Variants in RUVBL1 observed in about 807,000 individuals in gnomAD.
RUVBL1 encodes ruvB-like 1.
Under a neutral mutation model 52.4 loss-of-function variants are expected in RUVBL1, and 4 were observed. That is an observed-to-expected ratio of 0.08 (90% CI 0.04 to 0.17). The LOEUF (loss-of-function observed/expected upper bound fraction) is 0.17. RUVBL1 is among the 10% of genes least tolerant of loss of function. The pLI is 1.00. For synonymous variants in RUVBL1, 217 were observed against 214.4 expected, an observed-to-expected ratio of 1.01 and a Z score of -0.10; for missense variants, 298 against 572.8, an observed-to-expected ratio of 0.52 and a Z score of 4.90.
chr3:128,131,533 CAAAA>C (rs71153123), intron 1 of RUVBL1, among the ~76,000 whole-genome samples: 1 of 150,458 alleles, frequency 6.6e-6, no homozygotes, highest in Non-Finnish European at 1.5e-5. Flanking sequence ...ACAACAACAA[CAAAA>C]AAAAACAGAT....
Position 128,067,682 on chromosome 3 carries a change from C to T in RUVBL1, c.940-2462G>A, listed in dbSNP as rs1942024346. On this transcript the variant is annotated intron_variant, in intron 9 of 9. Transcript: ENST00000464873. The surrounding 1 kb of genome is among the most constrained non-coding windows in gnomAD (Gnocchi z 4.1). The stretch of plus-strand genomic sequence containing the variant: ...TGGTATAAGGGGTGTGGACTTGTCA[C>T]CTCATCATAAATAATGGTCTGTGAC... 8.1e-7 allele frequency: 1 copy of T among 1,232,516 alleles called. No individual in the cohort carries two copies. Among genetic ancestry groups the T allele is most frequent in the Admixed American group, 2.1e-5 (1 of 47,602 alleles). The allele number at this position is 1,232,516 out of a possible 1,614,324, so 76.3% of individuals were successfully genotyped here. A position where few individuals can be genotyped will look rare whatever the true frequency, so the allele number is the denominator to read the frequency against.
Position 128,100,700 on chromosome 3 carries a change from T to C in RUVBL1, c.648A>G (p.Glu216=). ...CDTYATEFDL[E]AEEYVPLPKG... ...TTGGCAAGGGGACATACTCTTCAGC[T>C]TCAAGGTCGAATTCTGTGGCATAGG... is the stretch of plus-strand genomic sequence containing the variant. Residue 216 remains glutamate (E), a synonymous_variant, in exon 6 of 11, where the codon GAA becomes GAG. Coordinates refer to ENST00000322623, the MANE Select transcript of RUVBL1 (RefSeq NM_003707.3). 6.2e-7 allele frequency: 1 copy of C among 1,613,952 alleles called. No homozygotes were observed. Among genetic ancestry groups the C allele is most frequent in the Non-Finnish European group, 8.5e-7 (1 of 1,179,978 alleles).
intron 1 of RUVBL1, among the ~76,000 whole-genome samples, chr3:128,120,302 T>C (rs1411098601): frequency 6.6e-6 from 1 of 152,254 alleles, no homozygotes; most frequent in Non-Finnish European, 1.5e-5. Flanking sequence ...ATACTGAATG[T>C]GAAGTTAAAC....
intron 9 of RUVBL1, chr3:128,075,084 T>G (rs1942274720): frequency 6.6e-6 from 1 of 152,126 alleles, no homozygotes; most frequent in Non-Finnish European, 1.5e-5. Context: ...GGGGGTGCAC[T>G]ATTCCTGGAG....
chr3:128,112,803 A>T lies in RUVBL1; in HGVS notation c.361+85T>A, dbSNP rs534304571. ...CAGCAGTGCCACGAATACCAGTCAT[A>T]AAGGCATCTTCACCACAAAGAGGCT... is the stretch of plus-strand genomic sequence containing the variant. On this transcript the variant is annotated intron_variant, in intron 3 of 10. Coordinates refer to ENST00000322623, the MANE Select transcript of RUVBL1 (RefSeq NM_003707.3). 1.5e-5 allele frequency: 22 copies of T among 1,455,168 alleles called. No individual in the cohort carries two copies. In the South Asian group the frequency reaches 2.6e-4, roughly 17 times the overall value. 90.1% of individuals were successfully genotyped at this position (1,455,168 alleles called of 1,614,324 possible).
upstream of RUVBL1, among the ~76,000 whole-genome samples, chr3:128,126,069 T>C (rs1943784907): frequency 6.6e-6 from 1 of 152,250 alleles, no homozygotes; most frequent in South Asian, 2.1e-4. Context: ...CCTGGATTAC[T>C]TGGTCTAGTG....
At chr3:128,142,041 G>A (rs550692590) in intron 1 of RUVBL1, 2 of 152,418 alleles carry the variant, frequency 1.3e-5, no homozygotes, top group South Asian at 2.1e-4. Flanking sequence ...TTGGAGCCTA[G>A]AGACGGGAAA....
intron 4 of RUVBL1, among the ~76,000 whole-genome samples, chr3:128,104,395 T>C (rs894941736): frequency 6.6e-6 from 1 of 152,236 alleles, no homozygotes; most frequent in Non-Finnish European, 1.5e-5. Flanking sequence ...GCTGTTTCTT[T>C]CTATGAGCAT....
At position 128,119,943 on chromosome 3, in the gene RUVBL1, T is replaced by G. The variant is rs562319473; in HGVS notation, c.142-529A>C. On this transcript the variant is annotated intron_variant, in intron 1 of 10. Coordinates refer to ENST00000322623, the MANE Select transcript of RUVBL1 (RefSeq NM_003707.3). Reference sequence around the variant, plus strand: ...ACGCAGAACAGGAACTTACAGTGTGTGGTAAAGTTTGGATTTTATTCTACA... The same window carrying G: ...ACGCAGAACAGGAACTTACAGTGTGGGGTAAAGTTTGGATTTTATTCTACA... Among the ~76,000 whole-genome samples the G allele has an allele frequency of 3.3e-5, 5 of 152,304 alleles. No homozygotes were observed. In the South Asian group the frequency reaches 1.0e-3, roughly 32 times the overall value.
Position 128,067,828 on chromosome 3 carries a change from C to T in RUVBL1, c.940-2608G>A, listed in dbSNP as rs1351068951. 1 of 725,266 alleles carries T rather than the reference C, an allele frequency of 1.4e-6. No individual in the cohort carries two copies. Among genetic ancestry groups the T allele is most frequent in the Admixed American group, 2.3e-5 (1 of 43,004 alleles). 44.9% of individuals were successfully genotyped at this position (725,266 alleles called of 1,614,324 possible). A position where few individuals can be genotyped will look rare whatever the true frequency, so the allele number is the denominator to read the frequency against. ...TCTGAATCCACACTGTAAAGTTAGA[C>T]TTTTTCATATGACTTCCTTGCGGCA... On this transcript the variant is annotated intron_variant, in intron 9 of 9. Coordinates refer to the RUVBL1 transcript ENST00000464873. This position sits in a 1 kb window ranked among gnomAD's most constrained non-coding sequence, Gnocchi z 4.1.
intron 1 of RUVBL1, among the ~76,000 whole-genome samples, chr3:128,132,177 C>T (rs557833030): frequency 3.9e-5 from 6 of 152,178 alleles, no homozygotes; most frequent in Non-Finnish European, 7.3e-5. Context: ...CCAGCACCCA[C>T]GGAGAGAGCA....
rs893432294 is a variant in RUVBL1, at chr3:128,136,008, C to CT, written c.-39-16595dup. Among the ~76,000 whole-genome samples, 46 of 151,790 alleles carry CT rather than the reference C, an allele frequency of 3.0e-4. No individual in the cohort carries two copies. In the South Asian group the frequency reaches 8.9e-3, roughly 29 times the overall value. On this transcript the variant is annotated intron_variant, in intron 1 of 9. Coordinates refer to the RUVBL1 transcript ENST00000464873. The stretch of plus-strand genomic sequence containing the variant: ...ATTTTTAATTAGTTTTCTCTTTGTT[C>CT]TTTTTTTTGGCAATTAGTGTTAAGT...
In RUVBL1 at chr3:128,100,610, A is replaced by T. The variant is rs201216644; in HGVS notation, c.738T>A (p.Ala246=). The T allele has an allele frequency of 2.0e-4, 329 of 1,610,392 alleles. No individual in the cohort carries two copies. Among genetic ancestry groups the T allele is most frequent in the Middle Eastern group, 1.3e-3 (8 of 6,062 alleles). Residue 246 remains alanine (A), a synonymous_variant, in exon 6 of 11, where the codon GCT becomes GCA. Coordinates refer to ENST00000322623, the MANE Select transcript of RUVBL1 (RefSeq NM_003707.3). ...GAGGCAGTACCTGGGGCCGCGCATT[A>T]GCCACATCCAAGTCATGCAAGGTCA... ...QDVTLHDLDV[A]NARPQGGQDI...
chr3:128,106,325 G>C (rs1295689739), intron 3 of RUVBL1, among the ~76,000 whole-genome samples: 1 of 152,094 alleles, frequency 6.6e-6, no homozygotes, highest in Non-Finnish European at 1.5e-5. Flanking sequence ...CATTATCCAA[G>C]AATCATTGTT....
At chr3:128,098,783 T>C in intron 7 of RUVBL1, 99 bp downstream of exon 7, 1 of 1,008,400 alleles carries the variant, frequency 9.9e-7, no homozygotes, top group Non-Finnish European at 1.6e-6. Context: ...TTCTGAGGCA[T>C]TTCCTCAGGG....
chr3:128,092,215 T>C (rs536818103), intron 8 of RUVBL1, among the ~76,000 whole-genome samples: 65 of 152,276 alleles, frequency 4.3e-4, no homozygotes, highest in Non-Finnish European at 8.5e-4. Flanking sequence ...TACAAATGGA[T>C]CATAAACCTA....
intron 3 of RUVBL1, among the ~76,000 whole-genome samples, chr3:128,109,329 T>C (rs1943322173): frequency 6.6e-6 from 1 of 152,188 alleles, no homozygotes; most frequent in Non-Finnish European, 1.5e-5. Context: ...AAGGATTACT[T>C]GAGGCCAGGA....
At chr3:128,079,224 C>T (rs372637659), downstream of RUVBL1, among the ~76,000 whole-genome samples, 7 of 152,220 alleles carry the variant, frequency 4.6e-5, no homozygotes, top group East Asian at 7.7e-4. Flanking sequence ...TTCCCCACAC[C>T]GGACCCCGCT....
intron 1 of RUVBL1, among the ~76,000 whole-genome samples, chr3:128,142,177 C>T (rs145677922): frequency 6.6e-6 from 1 of 152,216 alleles, no homozygotes; most frequent in East Asian, 1.9e-4. Context: ...AACCTGGCCA[C>T]ATCCGCTGAC....
Sources: allele counts gnomAD v4.1 joint callset (sites outside exome capture counted in the v4.1 genomes callset), GRCh38; gene constraint gnomAD v4.1.1; non-coding constraint Gnocchi (gnomAD v3.1); transcripts MANE v1.5; gene names NCBI Gene and HGNC (gene_info 2026-07-23, HGNC 2026-07-21).